JAZF1: variants seen among roughly 807,000 people sequenced by gnomAD.
JAZF1 encodes the protein juxtaposed with another zinc finger protein 1.
Under a neutral mutation model 26.4 loss-of-function variants are expected in JAZF1, and 8 were observed. The ratio of observed to expected loss-of-function variants is 0.30; its 90% CI spans 0.18 to 0.55. JAZF1 has a LOEUF of 0.55. JAZF1 is among the 20% of genes least tolerant of loss of function. The probability of loss-of-function intolerance (pLI) is 0.94; values close to 1 mark genes in which losing one functional copy is unlikely to be tolerated. For synonymous variants in JAZF1, 126 were observed against 122.3 expected (o/e 1.03, Z -0.20); for missense variants, 199 against 322.0 (o/e 0.62, Z 2.92).
intron 1 of JAZF1, among the ~76,000 whole-genome samples, chr7:28,022,763 G>GT (rs1554282566): frequency 4.6e-5 from 7 of 151,856 alleles, no homozygotes; most frequent in Admixed American, 3.9e-4. Flanking sequence ...TGTTTTTGTT[G>GT]TTGTTTGTTT....
chr7:28,146,235 G>A (rs561246300), intron 1 of JAZF1, among the ~76,000 whole-genome samples: 4 of 152,322 alleles, frequency 2.6e-5, no homozygotes, highest in African/African-American at 9.6e-5. Context: ...CAGATGACAG[G>A]CCACCATCTT....
intron 3 of JAZF1, among the ~76,000 whole-genome samples, chr7:27,855,398 C>T (rs1236250458): frequency 6.6e-6 from 1 of 151,768 alleles, no homozygotes; most frequent in Non-Finnish European, 1.5e-5. Context: ...GATAGAGACA[C>T]AAAAAACCCT....
intron 1 of JAZF1, among the ~76,000 whole-genome samples, chr7:28,164,782 A>G (rs1315882728): frequency 6.6e-6 from 1 of 152,162 alleles, no homozygotes; most frequent in African/African-American, 2.4e-5. Context: ...ATAACCACTA[A>G]AATCTATGCA....
At position 27,990,291 on chromosome 7, in the gene JAZF1, G is replaced by A. The variant is rs184520345; in HGVS notation, c.188+1618C>T. On this transcript the variant is annotated intron_variant, in intron 2 of 4. Transcript: ENST00000283928. ...ACACACCAGAGCCTGTCGCGAGGTG[G>A]GGGGAGGTGAGAGGGATAGCATTAG... 6.0e-4 allele frequency among the ~76,000 whole-genome samples: 91 copies of A among 152,248 alleles called. 1 individual carries two copies. The highest frequency in any genetic ancestry group is 2.0e-3 in the African/African-American group (84 of 41,556).
At chr7:28,129,976 T>G (rs1782763759) in intron 1 of JAZF1, among the ~76,000 whole-genome samples, 1 of 152,196 alleles carries the variant, frequency 6.6e-6, no homozygotes, top group Admixed American at 6.6e-5. Context: ...AGTGAAAGAA[T>G]GCCTAAACAG....
intron 3 of JAZF1, among the ~76,000 whole-genome samples, chr7:27,868,768 C>T (rs1783529244): frequency 6.6e-6 from 1 of 152,186 alleles, no homozygotes; most frequent in Non-Finnish European, 1.5e-5. Context: ...GGACTTACTC[C>T]TTCAAGCTCC....
At chr7:28,055,823 A>G (rs1783696165) in intron 1 of JAZF1, among the ~76,000 whole-genome samples, 1 of 152,174 alleles carries the variant, frequency 6.6e-6, no homozygotes, top group Admixed American at 6.5e-5. Context: ...TCTATTCCTG[A>G]AAACACCAAA....
At chr7:28,068,217 G>GTTTT (rs551935511) in intron 1 of JAZF1, among the ~76,000 whole-genome samples, 1 of 124,506 alleles carries the variant, frequency 8.0e-6, no homozygotes. Context: ...GCTCAGCCTA[G>GTTTT]TTTTTTTTTT....
intron 1 of JAZF1, among the ~76,000 whole-genome samples, chr7:28,154,522 CAACT>C (rs1473659901): frequency 3.9e-5 from 6 of 152,284 alleles, no homozygotes; most frequent in South Asian, 4.1e-4. Context: ...AACAATCAAC[CAACT>C]AACTAACCAA....
At chr7:27,950,772 A>G (rs17622746) in intron 2 of JAZF1, among the ~76,000 whole-genome samples, 32,121 of 152,048 alleles carry the variant, frequency 0.21, 3,884 homozygotes, top group South Asian at 0.28. Flanking sequence ...TGTACTACAT[A>G]AGACTACATC....
intron 2 of JAZF1, among the ~76,000 whole-genome samples, chr7:27,913,234 T>G (rs1784389137): frequency 6.7e-6 from 1 of 149,294 alleles, no homozygotes; most frequent in African/African-American, 2.4e-5. Context: ...TATATGTATA[T>G]ACATAGATAT....
At chr7:28,130,318 C>A (rs1782770421) in intron 1 of JAZF1, among the ~76,000 whole-genome samples, 1 of 152,100 alleles carries the variant, frequency 6.6e-6, no homozygotes, top group African/African-American at 2.4e-5. Context: ...AAACTGAGGA[C>A]CCTCCCCCCA....
At chr7:28,007,381 C>G (rs1782722332) in intron 1 of JAZF1, among the ~76,000 whole-genome samples, 1 of 152,002 alleles carries the variant, frequency 6.6e-6, no homozygotes, top group Non-Finnish European at 1.5e-5. Flanking sequence ...TCAATCCGAC[C>G]AACATGGTGA....
At chr7:27,942,534 T>C (rs978104205) in intron 2 of JAZF1, among the ~76,000 whole-genome samples, 1 of 152,194 alleles carries the variant, frequency 6.6e-6, no homozygotes, top group Non-Finnish European at 1.5e-5. Context: ...AGCATCCCTA[T>C]GAGGTGGCTA....
At chr7:27,918,583 A>G (rs973631108) in intron 2 of JAZF1, among the ~76,000 whole-genome samples, 1 of 152,192 alleles carries the variant, frequency 6.6e-6, no homozygotes, top group Non-Finnish European at 1.5e-5. Context: ...TAGTATTTCA[A>G]CTTTTCCATG....
At chr7:27,891,663 C>T (rs1306398909) in intron 3 of JAZF1, among the ~76,000 whole-genome samples, 5 of 151,838 alleles carry the variant, frequency 3.3e-5, no homozygotes, top group Non-Finnish European at 5.9e-5. Flanking sequence ...CTCATCTCTA[C>T]AAAAAAAGTC....
At chr7:27,998,057 G>GGAAGGAAA (rs1554280802) in intron 1 of JAZF1, among the ~76,000 whole-genome samples, 1 of 145,758 alleles carries the variant, frequency 6.9e-6, no homozygotes, top group East Asian at 2.0e-4. Flanking sequence ...AAGGAAGGAA[G>GGAAGGAAA]GAAGGAAGGA....
chr7:28,113,083 G>T (rs1562591850), intron 1 of JAZF1, among the ~76,000 whole-genome samples: 2 of 152,300 alleles, frequency 1.3e-5, no homozygotes, highest in East Asian at 3.9e-4. Flanking sequence ...CCCGCCTCCA[G>T]TTCAGGGCAT....
At chr7:27,842,543 T>C (rs988532948) in intron 3 of JAZF1, 3 of 152,188 alleles carry the variant, frequency 2.0e-5, no homozygotes, top group Non-Finnish European at 2.9e-5. Flanking sequence ...TGGAGCTAAA[T>C]GTGGGTTTCA....
Sources: gnomAD v4.1 joint callset for allele counts (sites outside exome capture counted in the v4.1 genomes callset) on GRCh38, gnomAD v4.1.1 for gene constraint, MANE v1.5 for transcripts, NCBI Gene and HGNC (gene_info 2026-07-23, HGNC 2026-07-21) for gene names.